PRKACB: variants seen among roughly 807,000 people sequenced by gnomAD.
The protein encoded by PRKACB is cAMP-dependent protein kinase catalytic subunit beta.
In PRKACB, 16 loss-of-function variants were observed where a neutral mutation model predicts 51.4. That is an observed-to-expected ratio of 0.31 (90% CI 0.21 to 0.47). The LOEUF (loss-of-function observed/expected upper bound fraction) is 0.47. PRKACB is among the 20% of genes least tolerant of loss of function. The probability of loss-of-function intolerance (pLI) is 1.00; values close to 1 mark genes in which losing one functional copy is unlikely to be tolerated. For synonymous variants in PRKACB, 147 were observed against 154.4 expected (o/e 0.95, Z 0.35); for missense variants, 309 against 464.5 (o/e 0.67, Z 3.08).
At chr1:84,199,058 TGC>T in intron 7 of PRKACB, among the ~76,000 whole-genome samples, 1 of 51,634 alleles carries the variant, frequency 1.9e-5, no homozygotes, top group East Asian at 4.6e-4. Flanking sequence ...CATATATATA[TGC>T]GTATATATGC....
intron 1 of PRKACB, among the ~76,000 whole-genome samples, chr1:84,083,671 G>A (rs1475419271): frequency 6.6e-6 from 1 of 152,092 alleles, no homozygotes; most frequent in Non-Finnish European, 1.5e-5. Context: ...CTATATCTAG[G>A]TGATAAATGT....
chr1:84,096,291 T>G (rs181990380), intron 1 of PRKACB, among the ~76,000 whole-genome samples: 53 of 152,240 alleles, frequency 3.5e-4, no homozygotes, highest in African/African-American at 1.2e-3. Context: ...CTGAAATATT[T>G]GCTTAGTTTT....
chr1:84,095,317 T>C (rs1392807455), intron 1 of PRKACB, among the ~76,000 whole-genome samples: 3 of 151,684 alleles, frequency 2.0e-5, no homozygotes, highest in Non-Finnish European at 4.4e-5. Context: ...TAAATAAGTC[T>C]TGTGTAAAGG....
intron 9 of PRKACB, 137 bp from the exon 10 acceptor site, chr1:84,235,043 T>C: frequency 1.1e-6 from 1 of 874,194 alleles, no homozygotes; most frequent in Non-Finnish European, 1.7e-6. Context: ...CTTCTAGCAC[T>C]ATTATATTTT....
In PRKACB at chr1:84,202,810, G is replaced by A. The variant is rs1670502104; in HGVS notation, c.906+5G>A. The stretch of plus-strand genomic sequence containing the variant: ...GAAAAGATTGTTTCTGGAAAGGTAA[G>A]TAAAACATTTTATTATTCCTCTCTT... On this transcript the variant is annotated splice_donor_5th_base_variant and intron_variant, in intron 8 of 9. Coordinates refer to ENST00000370685, the MANE Select transcript of PRKACB (RefSeq NM_182948.4). The A allele has an allele frequency of 6.3e-7, 1 of 1,595,628 alleles. No homozygotes were observed. The highest frequency in any genetic ancestry group is 1.7e-5 in the Admixed American group (1 of 59,096).
intron 8 of PRKACB, among the ~76,000 whole-genome samples, chr1:84,203,524 C>CAATTT (rs1471575814): frequency 6.6e-6 from 1 of 151,814 alleles, no homozygotes; most frequent in Non-Finnish European, 1.5e-5. Flanking sequence ...TTTTAAAAGA[C>CAATTT]CATTGTCAAT....
intron 1 of PRKACB, among the ~76,000 whole-genome samples, chr1:84,083,459 A>T (rs989868942): frequency 2.0e-5 from 3 of 152,092 alleles, no homozygotes; most frequent in Non-Finnish European, 4.4e-5. Context: ...TTGCTTTTTC[A>T]TTGCCAGCAG....
intron 1 of PRKACB, among the ~76,000 whole-genome samples, chr1:84,134,291 G>A (rs531717828): frequency 6.6e-6 from 1 of 152,272 alleles, no homozygotes. Context: ...TGAGAAAACA[G>A]GAATGTATGT....
At chr1:84,182,381 T>C (rs752082511) in intron 3 of PRKACB, 53 bp downstream of exon 3, 7 of 1,401,260 alleles carry the variant, frequency 5.0e-6, no homozygotes, top group Non-Finnish European at 6.7e-6. Flanking sequence ...TTTTATCAGC[T>C]AGACTATTAA....
intron 1 of PRKACB, among the ~76,000 whole-genome samples, chr1:84,133,598 T>G (rs955163628): frequency 5.9e-5 from 9 of 152,000 alleles, no homozygotes; most frequent in Non-Finnish European, 1.3e-4. Context: ...TTTGGTCAGC[T>G]TCACTTGGCT....
At chr1:84,186,096 G>C (rs1665010442) in intron 5 of PRKACB, among the ~76,000 whole-genome samples, 1 of 152,130 alleles carries the variant, frequency 6.6e-6, no homozygotes, top group African/African-American at 2.4e-5. Flanking sequence ...GAGTGATGGT[G>C]GTGGGTCAGA....
Position 84,214,161 on chromosome 1 carries a change from C to T in PRKACB, c.915C>T (p.Phe305=). Residue 305 remains phenylalanine (F), a synonymous_variant, in exon 9 of 10, where the codon TTC becomes TTT. Transcript: ENST00000370685. ...ATGGTGTGTTTGTGTAGGTCCGATT[C>T]CCATCCCACTTCAGTTCAGATCTCA... ...YEKIVSGKVR[F]PSHFSSDLKD... 6.2e-7 allele frequency: 1 copy of T among 1,604,958 alleles called. No homozygotes were observed. The highest frequency in any genetic ancestry group is 1.7e-4 in the Middle Eastern group (1 of 6,016).
chr1:84,165,766 A>T (rs1379520718), intron 1 of PRKACB, among the ~76,000 whole-genome samples: 1 of 151,854 alleles, frequency 6.6e-6, no homozygotes, highest in Non-Finnish European at 1.5e-5. Flanking sequence ...AGCTAAAAAT[A>T]GATATCCTGT....
intron 1 of PRKACB, among the ~76,000 whole-genome samples, chr1:84,092,885 GT>G (rs574177116): frequency 0.021 from 2,856 of 133,696 alleles, 51 homozygotes; most frequent in African/African-American, 0.053. Context: ...TTTATAAAAT[GT>G]TTTTTTTTTT....
chr1:84,078,402 T>A, intron 1 of PRKACB: 2 of 1,602,216 alleles, frequency 1.2e-6, no homozygotes, highest in Non-Finnish European at 1.7e-6. Context: ...GGGTATCCGC[T>A]GGGCGGGCCG....
intron 1 of PRKACB, among the ~76,000 whole-genome samples, chr1:84,082,362 A>G (rs1336627330): frequency 1.3e-5 from 2 of 152,182 alleles, no homozygotes; most frequent in African/African-American, 2.4e-5. Flanking sequence ...ATCTTAAGTG[A>G]AAAAGATTAT....
chr1:84,134,433 C>T (rs1342334543), intron 1 of PRKACB, among the ~76,000 whole-genome samples: 2 of 152,038 alleles, frequency 1.3e-5, no homozygotes, highest in African/African-American at 4.8e-5. Context: ...TGAATGACTG[C>T]AATGTTAAAA....
At chr1:84,078,695 G>A (rs536626926) in intron 1 of PRKACB, among the ~76,000 whole-genome samples, 3 of 152,214 alleles carry the variant, frequency 2.0e-5, no homozygotes, top group African/African-American at 4.8e-5. Flanking sequence ...GAAGTCCCTA[G>A]TGCCATCCCA....
intron 1 of PRKACB, among the ~76,000 whole-genome samples, chr1:84,091,996 T>C (rs1487083903): frequency 6.6e-6 from 1 of 152,228 alleles, no homozygotes; most frequent in Non-Finnish European, 1.5e-5. Context: ...TTTTGGTTTT[T>C]GTTATGATTG....
Sources: gnomAD v4.1 joint callset for allele counts (sites outside exome capture counted in the v4.1 genomes callset) on GRCh38, gnomAD v4.1.1 for gene constraint, MANE v1.5 for transcripts, NCBI Gene and HGNC (gene_info 2026-07-23, HGNC 2026-07-21) for gene names.